AKR1B15: variants seen among roughly 807,000 people sequenced by gnomAD.
AKR1B15 encodes estradiol 17-beta-dehydrogenase AKR1B15.
AKR1B15 carries 49 observed loss-of-function variants against 38.5 expected under a neutral mutation model. That is an observed-to-expected ratio of 1.27 (90% confidence interval 1.01 to 1.62). The LOEUF is 1.62. AKR1B15 is among the 40% of genes most tolerant of loss of function. The pLI, the probability that AKR1B15 is intolerant of heterozygous loss-of-function variation, is 0.00. For missense variants in AKR1B15, 411 were observed against 381.6 expected (o/e 1.08, Z -0.64); for synonymous variants, 137 against 135.5 (o/e 1.01, Z -0.08).
chr7:134,552,450 G>A (rs1312685686), intron 1 of AKR1B15, among the ~76,000 whole-genome samples: 2 of 152,104 alleles, frequency 1.3e-5, no homozygotes, highest in Non-Finnish European at 2.9e-5. Context: ...CACCCTGCCG[G>A]TCCAGGTCAA....
At chr7:134,571,579 T>G in intron 5 of AKR1B15, 25 bp from the exon 6 acceptor site, 1 of 1,585,086 alleles carries the variant, frequency 6.3e-7, no homozygotes, top group Non-Finnish European at 8.7e-7. Context: ...CAGATTCCAG[T>G]AAACTTTTCA....
chr7:134,568,409 G>T (rs1167050552), intron 4 of AKR1B15, 84 bp downstream of exon 4: 8 of 1,566,858 alleles, frequency 5.1e-6, no homozygotes, highest in Middle Eastern at 1.7e-4. Flanking sequence ...GAACTCTGTC[G>T]GCCTTTTCTA....
chr7:134,577,152 C>G, intron 10 of AKR1B15, 106 bp downstream of exon 10: 1 of 1,153,574 alleles, frequency 8.7e-7, no homozygotes, highest in Non-Finnish European at 1.3e-6. Flanking sequence ...TTGGCCCCCT[C>G]CTTCCCCACC....
Position 134,568,466 on chromosome 7 carries a change from T to C in AKR1B15, c.318+141T>C, listed in dbSNP as rs1794593001. 11 of 1,267,802 alleles carry C rather than the reference T, an allele frequency of 8.7e-6. No homozygotes were observed. The South Asian group carries it at 1.3e-4, about 15-fold the overall frequency. 78.5% of individuals were successfully genotyped at this position (1,267,802 alleles called of 1,614,324 possible). ...GCCTTGATAACATCCGTGGATACAA[T>C]ACTATCCATACTCCAAGCCGTTATT... On this transcript the variant is annotated intron_variant, in intron 4 of 11. Transcript: ENST00000457545.
At chr7:134,566,794 A>G (rs1406172502) in intron 3 of AKR1B15, among the ~76,000 whole-genome samples, 1 of 152,072 alleles carries the variant, frequency 6.6e-6, no homozygotes, top group Non-Finnish European at 1.5e-5. Flanking sequence ...CTCAGGATAA[A>G]GTCTTGGTCT....
intron 2 of AKR1B15, among the ~76,000 whole-genome samples, chr7:134,557,706 G>A (rs1585788736): frequency 6.6e-6 from 1 of 151,948 alleles, no homozygotes; most frequent in Non-Finnish European, 1.5e-5. Context: ...TGCCTGTTCT[G>A]CTTCTGTAAA....
intron 1 of AKR1B15, among the ~76,000 whole-genome samples, chr7:134,551,782 GA>G (rs1431980838): frequency 1.3e-5 from 2 of 152,178 alleles, no homozygotes; most frequent in Non-Finnish European, 2.9e-5. Context: ...CCCCTATAAA[GA>G]AACCAATGTG....
intron 5 of AKR1B15, chr7:134,570,256 C>G (rs1353167066): frequency 6.6e-6 from 1 of 152,180 alleles, no homozygotes; most frequent in African/African-American, 2.4e-5. Context: ...ATTGTGTGCT[C>G]TCAAACCCTG....
chr7:134,578,414 ATT>A lies in AKR1B15; in HGVS notation c.992+629_992+630del, dbSNP rs1585818431. On this transcript the variant is annotated intron_variant, in intron 11 of 11. Coordinates refer to ENST00000457545, the MANE Select transcript of AKR1B15 (RefSeq NM_001080538.3). ...CCTGAGGTGGGATTGTGTTTAGAGCATTCAAGCAAGAAGGCCAGGGAGGCTGG... is the reference window on the plus strand; with the variant it reads ...CCTGAGGTGGGATTGTGTTTAGAGCACAAGCAAGAAGGCCAGGGAGGCTGG... 2.6e-5 allele frequency among the ~76,000 whole-genome samples: 4 copies of A among 152,304 alleles called. No individual in the cohort carries two copies. The East Asian group carries it at 7.7e-4, about 29-fold the overall frequency.
At chr7:134,574,531 C>T (rs569803052) in intron 6 of AKR1B15, among the ~76,000 whole-genome samples, 198 of 152,272 alleles carry the variant, frequency 1.3e-3, no homozygotes, top group African/African-American at 4.7e-3. Context: ...TGATTGATGG[C>T]TCCATAGAAG....
chr7:134,567,486 A>G (rs1794565214), intron 3 of AKR1B15, among the ~76,000 whole-genome samples: 2 of 152,114 alleles, frequency 1.3e-5, no homozygotes, highest in Admixed American at 1.3e-4. Flanking sequence ...GTGTCAGGTA[A>G]TGTGGTTAAC....
intron 5 of AKR1B15, chr7:134,569,757 C>T (rs1221607367): frequency 1.1e-5 from 5 of 467,590 alleles, no homozygotes; most frequent in African/African-American, 7.8e-5. Flanking sequence ...ATCACTTCCC[C>T]AATCAGTACT....
chr7:134,555,686 C>T (rs4728330), intron 1 of AKR1B15, among the ~76,000 whole-genome samples: 10,975 of 152,078 alleles, frequency 0.072, 637 homozygotes, highest in East Asian at 0.3. Flanking sequence ...CCCGACCCTG[C>T]CCATACCCTT....
Position 134,575,641 on chromosome 7 carries a change from G to C in AKR1B15, c.636+99G>C, listed in dbSNP as rs566688385. On this transcript the variant is annotated intron_variant, in intron 7 of 11. Coordinates refer to ENST00000457545, the MANE Select transcript of AKR1B15 (RefSeq NM_001080538.3). The stretch of plus-strand genomic sequence containing the variant: ...GCTATGCCCTGAGTCTTATCTCAGG[G>C]GTCAGTGATCAGGACACTTTGGGGA... 22 of 1,582,172 alleles carry C rather than the reference G, an allele frequency of 1.4e-5. 1 individual carries two copies. The East Asian group carries it at 4.0e-4, about 29-fold the overall frequency.
intron 3 of AKR1B15, among the ~76,000 whole-genome samples, chr7:134,567,085 C>T (rs540133052): frequency 4.6e-4 from 70 of 152,218 alleles, no homozygotes; most frequent in African/African-American, 1.6e-3. Flanking sequence ...TGTAGTATAG[C>T]GGTTGGGGTC....
In AKR1B15 at chr7:134,569,393, C is replaced by T; in HGVS notation, c.319-20C>T. On this transcript the variant is annotated intron_variant, in intron 4 of 11. Coordinates refer to ENST00000457545, the MANE Select transcript of AKR1B15 (RefSeq NM_001080538.3). ...CTTCCTTTTCCCAGTATTACTAGCT[C>T]ATTGCTACACTCTTTGCAGGTGTGG... 1 of 1,613,324 alleles carries T rather than the reference C, an allele frequency of 6.2e-7. No individual in the cohort carries two copies. The highest frequency in any genetic ancestry group is 1.1e-5 in the South Asian group (1 of 91,010).
chr7:134,562,867 TTTCTTTC>T (rs1240008693), intron 2 of AKR1B15, among the ~76,000 whole-genome samples: 3 of 142,954 alleles, frequency 2.1e-5, no homozygotes, highest in East Asian at 4.0e-4. Context: ...TCTTTCTTTC[TTTCTTTC>T]TTTCTTTCTT....
At chr7:134,571,769 T>C in intron 6 of AKR1B15, 88 bp downstream of exon 6, 1 of 1,010,330 alleles carries the variant, frequency 9.9e-7, no homozygotes, top group Admixed American at 2.2e-5. Flanking sequence ...GCCATGTGCC[T>C]GATGCTTTCT....
chr7:134,564,602 G>T lies in AKR1B15; in HGVS notation c.-18G>T, dbSNP rs756475029. The stretch of plus-strand genomic sequence containing the variant: ...TGTCAAATTTGTTTCCTCTAGGATC[G>T]AGGCCATCAAGCTACAGATGGTCTT... On this transcript the variant is annotated 5_prime_UTR_variant, in exon 3 of 12. Coordinates refer to ENST00000457545, the MANE Select transcript of AKR1B15 (RefSeq NM_001080538.3). 2 of 694,002 alleles carry T rather than the reference G, an allele frequency of 2.9e-6. No homozygotes were observed. Among genetic ancestry groups the T allele is most frequent in the South Asian group, 3.0e-5 (2 of 65,806 alleles). 43.0% of individuals were successfully genotyped at this position (694,002 alleles called of 1,614,324 possible).
Sources: gnomAD v4.1 joint callset for allele counts (sites outside exome capture counted in the v4.1 genomes callset) on GRCh38, gnomAD v4.1.1 for gene constraint, MANE v1.5 for transcripts, NCBI Gene and HGNC (gene_info 2026-07-23, HGNC 2026-07-21) for gene names.